Variants in USP3 observed in about 807,000 individuals in gnomAD.
USP3 encodes ubiquitin specific peptidase 3.
A neutral mutation model predicts 72.3 loss-of-function variants in USP3; 20 were observed. The observed-to-expected ratio is 0.28, with a 90% CI of 0.19 to 0.40. The LOEUF (loss-of-function observed/expected upper bound fraction) is 0.40, where lower values mean the gene tolerates loss of function less well. Ranked by LOEUF, USP3 falls within the 10% of genes least tolerant of loss-of-function variation. The pLI, the probability that USP3 is intolerant of heterozygous loss-of-function variation, is 1.00. For synonymous variants in USP3, 222 were observed against 225.3 expected (o/e 0.99, Z 0.13); for missense variants, 479 against 633.9 (o/e 0.76, Z 2.62).
chr15:63,520,099 A>G (rs1266426849), intron 1 of USP3, among the ~76,000 whole-genome samples: 3 of 152,134 alleles, frequency 2.0e-5, no homozygotes, highest in Non-Finnish European at 4.4e-5. Context: ...TAATGTTTAT[A>G]AACTAAGATC....
At chr15:63,587,894 C>A (rs1436478194) in intron 11 of USP3, 1 of 155,034 alleles carries the variant, frequency 6.5e-6, no homozygotes, top group East Asian at 1.9e-4. Flanking sequence ...CTTCTGTGAT[C>A]TATGTTTATT....
At chr15:63,520,784 A>G (rs1000055078) in intron 1 of USP3, among the ~76,000 whole-genome samples, 1 of 151,834 alleles carries the variant, frequency 6.6e-6, no homozygotes, top group Non-Finnish European at 1.5e-5. Flanking sequence ...GCTGGTCTTG[A>G]ACTCCTGACC....
At chr15:63,543,297 A>ATCT (rs2066272896) in intron 3 of USP3, among the ~76,000 whole-genome samples, 2 of 152,122 alleles carry the variant, frequency 1.3e-5, no homozygotes, top group Admixed American at 1.3e-4. Flanking sequence ...TGTGAACAAC[A>ATCT]TTAAAAAAAA....
intron 11 of USP3, among the ~76,000 whole-genome samples, chr15:63,580,897 T>G (rs1268039897): frequency 6.6e-6 from 1 of 151,184 alleles, no homozygotes; most frequent in African/African-American, 2.4e-5. Flanking sequence ...CAACCTCCAC[T>G]TCCCAGGTTC....
At chr15:63,540,802 C>G (rs1421149) in intron 3 of USP3, among the ~76,000 whole-genome samples, 121,985 of 152,186 alleles carry the variant, frequency 0.8, 50,713 homozygotes, top group Non-Finnish European at 0.86. Flanking sequence ...GAGATAAGCA[C>G]ATTAACTTGA....
At chr15:63,590,520 A>G (rs2067176084) in intron 14 of USP3, 141 bp from the exon 15 acceptor site, 5 of 852,838 alleles carry the variant, frequency 5.9e-6, no homozygotes, top group Non-Finnish European at 8.1e-6. Context: ...GGAGGAAGGT[A>G]AAAACATTAA....
intron 14 of USP3, among the ~76,000 whole-genome samples, chr15:63,589,993 G>C (rs765857012): frequency 3.1e-4 from 47 of 152,144 alleles, no homozygotes; most frequent in Non-Finnish European, 6.3e-4. Flanking sequence ...ATTTAAAAAT[G>C]TAAAGTTCTC....
intron 3 of USP3, among the ~76,000 whole-genome samples, chr15:63,537,765 A>G (rs2066180314): frequency 6.6e-6 from 1 of 151,870 alleles, no homozygotes; most frequent in South Asian, 2.1e-4. Context: ...GGCTCACCTC[A>G]ATGTCTGCCT....
At chr15:63,512,340 CTT>C (rs1567089068) in intron 1 of USP3, among the ~76,000 whole-genome samples, 57 of 72,282 alleles carry the variant, frequency 7.9e-4, no homozygotes, top group Non-Finnish European at 1.6e-3. Context: ...TCTTCCTCCT[CTT>C]CCTCCTCTTC....
chr15:63,584,437 G>A (rs1219724302), intron 11 of USP3, among the ~76,000 whole-genome samples: 3 of 152,058 alleles, frequency 2.0e-5, no homozygotes, highest in Non-Finnish European at 4.4e-5. Flanking sequence ...TAGCTAACAC[G>A]TTATTTTCTG....
chr15:63,565,880 G>A (rs2066682190), intron 8 of USP3, among the ~76,000 whole-genome samples: 1 of 152,162 alleles, frequency 6.6e-6, no homozygotes, highest in Admixed American at 6.5e-5. Flanking sequence ...AAAGTGCCGG[G>A]CTCAAGGAAA....
At chr15:63,583,317 T>TA (rs199948151) in intron 11 of USP3, among the ~76,000 whole-genome samples, 4,423 of 151,886 alleles carry the variant, frequency 0.029, 85 homozygotes, top group Middle Eastern at 0.075. Flanking sequence ...CATTGTCAAT[T>TA]AAAAAAAATG....
At chr15:63,514,626 A>G (rs554156878) in intron 1 of USP3, among the ~76,000 whole-genome samples, 4 of 152,160 alleles carry the variant, frequency 2.6e-5, no homozygotes, top group Non-Finnish European at 5.9e-5. Context: ...AGAGAATTGT[A>G]CAATGCAGAT....
chr15:63,581,457 C>T (rs1392430401), intron 11 of USP3, among the ~76,000 whole-genome samples: 4 of 150,132 alleles, frequency 2.7e-5, no homozygotes, highest in Admixed American at 2.7e-4. Flanking sequence ...AATCTTGGCT[C>T]ACTGCAACCT....
intron 3 of USP3, among the ~76,000 whole-genome samples, chr15:63,541,371 T>C (rs2066242645): frequency 6.6e-6 from 1 of 152,176 alleles, no homozygotes; most frequent in South Asian, 2.1e-4. Context: ...GCAGTTGTGA[T>C]TAAAAATTTT....
chr15:63,504,993 G>A (rs554273815), intron 1 of USP3, among the ~76,000 whole-genome samples, 163 bp downstream of exon 1: 1 of 150,534 alleles, frequency 6.6e-6, no homozygotes, highest in South Asian at 2.1e-4. Context: ...GGGCGCGTGC[G>A]GGAGCGGCGG....
chr15:63,544,867 A>G lies in USP3; in HGVS notation c.284+7711A>G, dbSNP rs889663684. ...CAAGGCTGACATTGTGGGGACCATC[A>G]AATACTATACTTAGTTCAGTTACAG... On this transcript the variant is annotated intron_variant, in intron 3 of 14. Transcript: ENST00000380324. This position sits in a 1 kb window ranked among gnomAD's most constrained non-coding sequence, Gnocchi z 4.2. The G allele has an allele frequency of 1.6e-6, 1 of 608,384 alleles. No individual in the cohort carries two copies. The highest frequency in any genetic ancestry group is 2.9e-6 in the Non-Finnish European group (1 of 342,266). 37.7% of individuals were successfully genotyped at this position (608,384 alleles called of 1,614,324 possible). A position where few individuals can be genotyped will look rare whatever the true frequency, so the allele number is the denominator to read the frequency against.
chr15:63,552,631 T>C (rs1457294641), intron 3 of USP3, among the ~76,000 whole-genome samples: 1 of 152,172 alleles, frequency 6.6e-6, no homozygotes, highest in Non-Finnish European at 1.5e-5. Flanking sequence ...AGTGACAGTT[T>C]TGAGAAGCAT....
At chr15:63,535,302 C>T (rs755090688) in intron 2 of USP3, among the ~76,000 whole-genome samples, 1 of 152,116 alleles carries the variant, frequency 6.6e-6, no homozygotes, top group Non-Finnish European at 1.5e-5. Flanking sequence ...CTAAATGTGC[C>T]CACCTTCTAA....
Sources: allele counts gnomAD v4.1 joint callset (sites outside exome capture counted in the v4.1 genomes callset), GRCh38; gene constraint gnomAD v4.1.1; non-coding constraint Gnocchi (gnomAD v3.1); transcripts MANE v1.5; gene names NCBI Gene and HGNC (gene_info 2026-07-23, HGNC 2026-07-21).